Variants in KAT6A observed in about 807,000 individuals in gnomAD.
KAT6A encodes the protein histone acetyltransferase KAT6A.
KAT6A carries 9 observed loss-of-function variants against 198.4 expected under a neutral mutation model. The ratio of observed to expected loss-of-function variants is 0.05; its 90% CI spans 0.03 to 0.08. KAT6A has a LOEUF of 0.08. Ranked by LOEUF, KAT6A falls within the 10% of genes least tolerant of loss-of-function variation. KAT6A has a pLI of 1.00. For missense variants in KAT6A, 2,077 were observed against 2,509.9 expected, an observed-to-expected ratio of 0.83 and a Z score of 3.69; for synonymous variants, 890 against 883.0, an observed-to-expected ratio of 1.01 and a Z score of -0.14.
intron 2 of KAT6A, among the ~76,000 whole-genome samples, chr8:42,035,780 T>C (rs976582311): frequency 7.9e-5 from 12 of 152,204 alleles, no homozygotes; most frequent in Non-Finnish European, 1.6e-4. Context: ...ATAGACTTTT[T>C]TCAAGAAGTT....
At chr8:41,949,007 A>G (rs1303886188) in intron 10 of KAT6A, among the ~76,000 whole-genome samples, 1 of 152,214 alleles carries the variant, frequency 6.6e-6, no homozygotes. Context: ...TAAATGCCAT[A>G]TTTCATAGAT....
intron 2 of KAT6A, among the ~76,000 whole-genome samples, chr8:42,023,654 AT>A (rs1191640273): frequency 6.6e-6 from 1 of 151,720 alleles, no homozygotes. Context: ...TGTCCAGCTA[AT>A]TTTTGTATTT....
chr8:42,050,230 G>C (rs1413061459), intron 1 of KAT6A, among the ~76,000 whole-genome samples: 4 of 152,264 alleles, frequency 2.6e-5, no homozygotes, highest in Admixed American at 2.0e-4. Flanking sequence ...GTCCTGAAAC[G>C]AACATTAATA....
At chr8:41,965,850 T>C (rs1823454976) in intron 8 of KAT6A, among the ~76,000 whole-genome samples, 2 of 152,178 alleles carry the variant, frequency 1.3e-5, no homozygotes, top group African/African-American at 4.8e-5. Context: ...TGTTAAGTGA[T>C]GTCTCCTTGA....
intron 2 of KAT6A, among the ~76,000 whole-genome samples, chr8:42,027,804 C>A (rs997118440): frequency 6.6e-6 from 1 of 151,728 alleles, no homozygotes; most frequent in Non-Finnish European, 1.5e-5. Context: ...TTATTTCTTT[C>A]TTTCTACTAA....
rs1461253462 is a variant in KAT6A at position 41,931,366 on chromosome 8, A to G, written c.*839T>C. 4.6e-6 allele frequency: 1 copy of G among 215,364 alleles called. No homozygotes were observed. Among genetic ancestry groups the G allele is most frequent in the African/African-American group, 2.3e-5 (1 of 44,254 alleles). The allele number at this position is 215,364 out of a possible 1,614,324, so 13.3% of individuals were successfully genotyped here. ...TAATTGACCATCTCTATTCCTCCAA[A>G]GGCTGGATTTGGATTGCAAACAGCT... is the stretch of plus-strand genomic sequence containing the variant. On this transcript the variant is annotated 3_prime_UTR_variant, in exon 17 of 17. Transcript: ENST00000265713.
chr8:42,002,976 C>T (rs1043708058), intron 2 of KAT6A, among the ~76,000 whole-genome samples: 1 of 152,110 alleles, frequency 6.6e-6, no homozygotes, highest in Admixed American at 6.6e-5. Flanking sequence ...AATAATAGTA[C>T]CATCTATTAA....
At chr8:41,981,982 G>T in intron 3 of KAT6A, 28 bp from the exon 4 acceptor site, 1 of 1,322,180 alleles carries the variant, frequency 7.6e-7, no homozygotes, top group South Asian at 1.2e-5. Context: ...ATTCATGAAT[G>T]AAACAATCAA....
At position 42,026,693 on chromosome 8, in the gene KAT6A, G is replaced by A. The variant is rs953173980; in HGVS notation, c.600+21685C>T. ...AGCCTTCATGTTTTTCTACATATGA[G>A]ATCATGTTGTCTGCAAAGAGGGACA... On this transcript the variant is annotated intron_variant, in intron 2 of 16. Coordinates refer to ENST00000265713, the MANE Select transcript of KAT6A (RefSeq NM_006766.5). Among the ~76,000 whole-genome samples, 3 of 152,104 alleles carry A rather than the reference G, an allele frequency of 2.0e-5. 1 individual carries two copies. Among genetic ancestry groups the A allele is most frequent in the East Asian group, 1.9e-4 (1 of 5,198 alleles).
intron 16 of KAT6A, among the ~76,000 whole-genome samples, chr8:41,936,883 C>CA (rs1290596092): frequency 6.6e-6 from 1 of 152,156 alleles, no homozygotes; most frequent in Admixed American, 6.5e-5. Flanking sequence ...CAGCAATGAG[C>CA]AAAACAGACT....
intron 8 of KAT6A, among the ~76,000 whole-genome samples, chr8:41,972,789 C>T (rs1314072175): frequency 6.6e-6 from 1 of 152,112 alleles, no homozygotes. Context: ...AGGAAATACA[C>T]ACAAAAAATT....
rs1344191548 is a variant in KAT6A, at chr8:41,942,954, T to C, written c.2275A>G (p.Lys759Glu). The C allele has an allele frequency of 6.2e-7, 1 of 1,614,168 alleles. No homozygotes were observed. Among genetic ancestry groups the C allele is most frequent in the Non-Finnish European group, 8.5e-7 (1 of 1,180,026 alleles). The change falls in exon 14 of 17, where the codon AAG becomes GAG. Residue 759 changes from lysine (K) to glutamate (E), a missense_variant. This residue lies in a region of KAT6A where 127 missense variants were observed against 209.6 expected (regional missense o/e 0.61). Coordinates refer to ENST00000265713, the MANE Select transcript of KAT6A (RefSeq NM_006766.5). ...REKLIQDHMAKLQLNLRPVDV... is the reference protein window; with the variant it reads ...REKLIQDHMAELQLNLRPVDV... ...ACAGGTCGCAAATTCAGCTGAAGCT[T>C]TGCCATGTGATCCTGGATAAGTTTT...
chr8:41,952,604 G>A (rs541399628), intron 9 of KAT6A, among the ~76,000 whole-genome samples: 11 of 152,268 alleles, frequency 7.2e-5, no homozygotes, highest in African/African-American at 2.4e-4. Context: ...CCCAAAAGAC[G>A]TTTTTCTTGT....
At chr8:41,971,714 C>T (rs1465491237) in intron 8 of KAT6A, among the ~76,000 whole-genome samples, 3 of 151,362 alleles carry the variant, frequency 2.0e-5, no homozygotes, top group African/African-American at 7.3e-5. Context: ...TTACCCTGGC[C>T]GCTGTATGAA....
intron 11 of KAT6A, among the ~76,000 whole-genome samples, chr8:41,947,348 T>A (rs1439420132): frequency 6.6e-6 from 1 of 152,202 alleles, no homozygotes; most frequent in Non-Finnish European, 1.5e-5. Flanking sequence ...GAATGGAAGA[T>A]TAAAAAAGGA....
At chr8:41,981,273 G>T (rs1018847989) in intron 4 of KAT6A, among the ~76,000 whole-genome samples, 1 of 152,142 alleles carries the variant, frequency 6.6e-6, no homozygotes, top group Non-Finnish European at 1.5e-5. Context: ...AGCCAAGATC[G>T]TGCCACTGCA....
At chr8:41,956,964 T>C (rs1466738528) in intron 8 of KAT6A, 1 of 476,924 alleles carries the variant, frequency 2.1e-6, no homozygotes, top group Non-Finnish European at 4.3e-6. Flanking sequence ...TATAGGAAAC[T>C]TTCAAAATAA....
chr8:41,954,722 G>T (rs1016169560), intron 9 of KAT6A, among the ~76,000 whole-genome samples: 1 of 152,108 alleles, frequency 6.6e-6, no homozygotes, highest in Non-Finnish European at 1.5e-5. Context: ...AGAGCAGTTG[G>T]GCAGCTTTTA....
intron 8 of KAT6A, among the ~76,000 whole-genome samples, chr8:41,974,105 TCTCA>T (rs1823933742): frequency 6.6e-6 from 1 of 151,258 alleles, no homozygotes; most frequent in Non-Finnish European, 1.5e-5. Context: ...GAAGACAGGG[TCTCA>T]CTCTGTCACC....
Sources: allele counts gnomAD v4.1 joint callset (sites outside exome capture counted in the v4.1 genomes callset), GRCh38; gene constraint gnomAD v4.1.1; regional missense constraint gnomAD v4.1.1; transcripts MANE v1.5; gene names NCBI Gene and HGNC (gene_info 2026-07-23, HGNC 2026-07-21).